The following MRPL12 variants were observed in gnomAD, a reference collection of about 807,000 sequenced individuals.
MRPL12 encodes the protein large ribosomal subunit protein bL12m.
A neutral mutation model predicts 21.1 loss-of-function variants in MRPL12; 13 were observed. The observed-to-expected ratio is 0.62, with a 90% confidence interval of 0.40 to 0.98. The LOEUF (loss-of-function observed/expected upper bound fraction) is 0.98. MRPL12 is among the 50% of genes least tolerant of loss of function. MRPL12 has a pLI of 0.00. For synonymous variants in MRPL12, 126 were observed against 115.3 expected (o/e 1.09, Z -0.60); for missense variants, 251 against 268.6 (o/e 0.93, Z 0.46).
Position 81,703,493 on chromosome 17 carries a change from C to T in MRPL12, c.-9C>T. The T allele has an allele frequency of 8.1e-6, 12 of 1,487,052 alleles. No individual in the cohort carries two copies. The highest frequency in any genetic ancestry group is 5.0e-5 in the South Asian group (4 of 79,764). 92.1% of individuals were successfully genotyped at this position (1,487,052 alleles called of 1,614,324 possible). A position where few individuals can be genotyped will look rare whatever the true frequency, so the allele number is the denominator to read the frequency against. The stretch of plus-strand genomic sequence containing the variant: ...GGGAACCGCGTGTGACCTTCCAGCC[C>T]GCGGACCGATGCTGCCGGCGGCCGC... On this transcript the variant is annotated 5_prime_UTR_variant, in exon 1 of 5. Transcript: ENST00000333676.
intron 2 of MRPL12, 59 bp downstream of exon 2, chr17:81,704,489 G>A (rs2037292442): frequency 6.3e-7 from 1 of 1,586,906 alleles, no homozygotes; most frequent in South Asian, 1.1e-5. Flanking sequence ...CCTGTGTTTT[G>A]TTCCTGGTGT....
At position 81,704,276 on chromosome 17, in the gene MRPL12, A is replaced by C; in HGVS notation, c.107A>C (p.His36Pro). 6.2e-7 allele frequency: 1 copy of C among 1,612,550 alleles called. No homozygotes were observed. Residue 36 changes from histidine (H) to proline (P), a missense_variant, in exon 2 of 5, where the codon CAT becomes CCT. Coordinates refer to ENST00000333676, the MANE Select transcript of MRPL12 (RefSeq NM_002949.4). ...RQVPCVCAVR[H>P]MRSSGHQRCE... ...GTGCCATGTGTCTGTGCCGTGCGAC[A>C]TATGAGGAGCAGCGGCCATCAGAGG... is the stretch of plus-strand genomic sequence containing the variant.
At chr17:81,706,233 G>A (rs2144516747) in intron 3 of MRPL12, among the ~76,000 whole-genome samples, 1 of 152,322 alleles carries the variant, frequency 6.6e-6, no homozygotes, top group Non-Finnish European at 1.5e-5. Context: ...GGGGAGTAGA[G>A]TATTGAGGGA....
intron 1 of MRPL12, 105 bp downstream of exon 1, chr17:81,703,680 C>CAGCG (rs1244481178): frequency 2.7e-6 from 3 of 1,091,932 alleles, no homozygotes; most frequent in Non-Finnish European, 3.6e-6. Flanking sequence ...GGCCTCCCTG[C>CAGCG]AGCGGCCAGG....
intron 3 of MRPL12, among the ~76,000 whole-genome samples, chr17:81,706,097 G>A (rs192821182): frequency 2.0e-5 from 3 of 152,322 alleles, no homozygotes; most frequent in Admixed American, 6.5e-5. Flanking sequence ...GTCCCATGGC[G>A]GGTTGTCATT....
intron 1 of MRPL12, among the ~76,000 whole-genome samples, chr17:81,704,019 G>A (rs1248303799): frequency 6.6e-6 from 1 of 152,172 alleles, no homozygotes; most frequent in Non-Finnish European, 1.5e-5. Context: ...GCTTTCTAAG[G>A]CTCTTTGAAG....
intron 1 of MRPL12, 65 bp downstream of exon 1, chr17:81,703,640 G>T: frequency 7.8e-7 from 1 of 1,275,148 alleles, no homozygotes; most frequent in Middle Eastern, 3.0e-4. Context: ...GCACTGAGGG[G>T]TCGATCCGGG....
intron 3 of MRPL12, among the ~76,000 whole-genome samples, chr17:81,705,229 T>A (rs1476237279): frequency 6.9e-5 from 10 of 144,198 alleles, no homozygotes; most frequent in Non-Finnish European, 1.4e-4. Flanking sequence ...AATAAATAAA[T>A]AAAAATACAA....
At chr17:81,704,078 G>A (rs2037286409) in intron 1 of MRPL12, among the ~76,000 whole-genome samples, 166 bp from the exon 2 acceptor site, 1 of 152,184 alleles carries the variant, frequency 6.6e-6, no homozygotes. Flanking sequence ...CTTGAGGTCT[G>A]AGAACCCTGG....
At chr17:81,705,605 G>A (rs971503083) in intron 3 of MRPL12, among the ~76,000 whole-genome samples, 2 of 152,188 alleles carry the variant, frequency 1.3e-5, no homozygotes, top group African/African-American at 2.4e-5. Context: ...AGGCAAGAGG[G>A]TGTCTGACAA....
rs2037320126 is a variant in MRPL12 at position 81,706,967 on chromosome 17, A to C, written c.407A>C (p.Glu136Ala). 2 of 1,614,146 alleles carry C rather than the reference A, an allele frequency of 1.2e-6. No homozygotes were observed. The highest frequency in any genetic ancestry group is 1.7e-6 in the Non-Finnish European group (2 of 1,180,034). The change falls in exon 4 of 5, where the codon GAG (glutamate) becomes GCG (alanine). Residue 136 changes from glutamate to alanine, a missense_variant. By Grantham distance (107) the Glu-to-Ala change is moderately radical (BLOSUM62 -1). Transcript: ENST00000333676. ...ACACATTTCACCGTCCGCCTGACCG[A>C]GGCGAAGCCCGTGGACAAAGTGAAG... ...ERTHFTVRLT[E>A]AKPVDKVKLI... is the part of the protein sequence containing the mutation.
chr17:81,705,403 A>G (rs1336685532), intron 3 of MRPL12, among the ~76,000 whole-genome samples: 1 of 150,544 alleles, frequency 6.6e-6, no homozygotes, highest in Non-Finnish European at 1.5e-5. Flanking sequence ...AAAAAAAAAA[A>G]AAAAAAAAGA....
chr17:81,704,245 C>T lies in MRPL12; in HGVS notation c.76C>T (p.Arg26Ter), dbSNP rs1214696093. Residue 26 changes from arginine to a stop codon, truncating the protein, a stop_gained and splice_region_variant, in exon 2 of 5, where the codon CGA (arginine) becomes TGA (stop). Transcript: ENST00000333676. LOFTEE classifies it high-confidence loss of function. ...LRAAAFRLARRQVPCVCAVRH... is the reference protein window; with the variant it reads ...LRAAAFRLAR ...GTTTTAATTGGGGGTGGGGGCTAGG[C>T]GACAGGTGCCATGTGTCTGTGCCGT... 2 of 1,604,188 alleles carry T rather than the reference C, an allele frequency of 1.2e-6. No homozygotes were observed. Among genetic ancestry groups the T allele is most frequent in the South Asian group, 1.1e-5 (1 of 90,096 alleles).
At position 81,707,407 on chromosome 17, in the gene MRPL12, C is replaced by A; in HGVS notation, c.*167C>A. 4.5e-6 allele frequency: 3 copies of A among 666,064 alleles called. No individual in the cohort carries two copies. The highest frequency in any genetic ancestry group is 3.0e-5 in the East Asian group (1 of 33,588). The allele number at this position is 666,064 out of a possible 1,614,324, so 41.3% of individuals were successfully genotyped here. On this transcript the variant is annotated 3_prime_UTR_variant, in exon 5 of 5. Transcript: ENST00000333676. Reference sequence around the variant, plus strand: ...GACAGGCCGCACAGACCTACTGTGGCGGGAGGGAGGGGCGGCTGCTGCCTG... The same window carrying A: ...GACAGGCCGCACAGACCTACTGTGGAGGGAGGGAGGGGCGGCTGCTGCCTG...
chr17:81,707,376 G>GGGCCGGACA lies in MRPL12; in HGVS notation c.*142_*150dup. The GGGCCGGACA allele has an allele frequency of 1.2e-6, 1 of 865,842 alleles. No homozygotes were observed. The allele number at this position is 865,842 out of a possible 1,614,324, so 53.6% of individuals were successfully genotyped here. A position where few individuals can be genotyped will look rare whatever the true frequency, so the allele number is the denominator to read the frequency against. ...GGAGAATTGCCTGCGCCACGCAGCG[G>GGGCCGGACA]GGCCGGACAGGCCGCACAGACCTAC... On this transcript the variant is annotated 3_prime_UTR_variant, in exon 5 of 5. Transcript: ENST00000333676.
In MRPL12 at chr17:81,704,233, G is replaced by C; in HGVS notation, c.75-11G>C. Reference sequence around the variant, plus strand: ...ACTGACAAGTCTGTTTTAATTGGGGGTGGGGGCTAGGCGACAGGTGCCATG... The same window carrying C: ...ACTGACAAGTCTGTTTTAATTGGGGCTGGGGGCTAGGCGACAGGTGCCATG... On this transcript the variant is annotated splice_polypyrimidine_tract_variant and intron_variant, in intron 1 of 4. Transcript: ENST00000333676. 6.3e-7 allele frequency: 1 copy of C among 1,598,684 alleles called. No homozygotes were observed. The highest frequency in any genetic ancestry group is 8.5e-7 in the Non-Finnish European group (1 of 1,172,578).
intron 2 of MRPL12, 74 bp downstream of exon 2, chr17:81,704,504 T>G: frequency 1.3e-6 from 2 of 1,584,584 alleles, no homozygotes; most frequent in Non-Finnish European, 1.7e-6. Context: ...TGGTGTATTT[T>G]GGGAGTTTGG....
chr17:81,703,660 C>T, intron 1 of MRPL12, 85 bp downstream of exon 1: 13 of 1,195,234 alleles, frequency 1.1e-5, no homozygotes, highest in South Asian at 2.3e-5. Context: ...GCGAGGAGGG[C>T]GGCGGGGCCG....
intron 2 of MRPL12, 57 bp from the exon 3 acceptor site, chr17:81,704,576 C>T (rs1176684131): frequency 6.3e-7 from 1 of 1,597,568 alleles, no homozygotes; most frequent in Admixed American, 1.7e-5. Flanking sequence ...TGCCCCTCCT[C>T]AGTAGGTTCC....
Sources: allele counts gnomAD v4.1 joint callset (sites outside exome capture counted in the v4.1 genomes callset), GRCh38; gene constraint gnomAD v4.1.1; transcripts MANE v1.5; gene names NCBI Gene and HGNC (gene_info 2026-07-23, HGNC 2026-07-21).